The following DMD variants were observed in gnomAD, a reference collection of about 807,000 sequenced individuals.
DMD encodes mutant dystrophin.
In DMD, 63 loss-of-function variants were observed where a neutral mutation model predicts 330.1. The observed-to-expected ratio is 0.19, with a 90% CI of 0.16 to 0.24. DMD has a LOEUF of 0.24. DMD is among the 10% of genes least tolerant of loss of function. The pLI, the probability that DMD is intolerant of heterozygous loss-of-function variation, is 1.00. For missense variants in DMD, 3,344 were observed against 2,684.1 expected (o/e 1.25, Z -5.43); for synonymous variants, 1,223 against 959.8 (o/e 1.27, Z -5.07).
intron 47 of DMD, among the ~76,000 whole-genome samples, chrX:31,900,054 GA>G (rs2094401482): frequency 9.0e-6 from 1 of 111,725 alleles, no homozygotes; most frequent in Non-Finnish European, 1.9e-5. Flanking sequence ...GAGCTGGAAG[GA>G]CTCGGTGTAA....
At chrX:31,467,723 T>G (rs1603154611) in intron 59 of DMD, among the ~76,000 whole-genome samples, 1 of 111,998 alleles carries the variant, frequency 8.9e-6, no homozygotes, top group Non-Finnish European at 1.9e-5. Flanking sequence ...TTGTTTAGAA[T>G]AGTTTCAGAA....
intron 55 of DMD, among the ~76,000 whole-genome samples, chrX:31,586,529 T>C (rs963615895): frequency 2.7e-5 from 3 of 112,788 alleles, no homozygotes; most frequent in Non-Finnish European, 5.6e-5. Context: ...GTTTTCAATG[T>C]GAGAAAAATG....
At chrX:31,894,181 C>A (rs1253293206) in intron 47 of DMD, among the ~76,000 whole-genome samples, 1 of 112,077 alleles carries the variant, frequency 8.9e-6, no homozygotes, top group Non-Finnish European at 1.9e-5. Context: ...TAGAATAGAA[C>A]CTAACAAAGC....
intron 4 of DMD, among the ~76,000 whole-genome samples, chrX:32,828,667 A>C (rs772589872): frequency 9.1e-6 from 1 of 110,209 alleles, no homozygotes; most frequent in South Asian, 3.8e-4. Context: ...ATACATACAC[A>C]CACATATATA....
intron 50 of DMD, among the ~76,000 whole-genome samples, chrX:31,779,329 T>A (rs1390826293): frequency 9.0e-6 from 1 of 111,565 alleles, no homozygotes; most frequent in Non-Finnish European, 1.9e-5. Context: ...CCGTGTACCC[T>A]ATTTAATCTT....
chrX:33,087,610 G>A (rs2095027209), intron 1 of DMD, among the ~76,000 whole-genome samples: 1 of 111,566 alleles, frequency 9.0e-6, no homozygotes, highest in Admixed American at 9.6e-5. Flanking sequence ...AGAAACTGTG[G>A]GGGTTTGAAT....
intron 42 of DMD, among the ~76,000 whole-genome samples, chrX:32,302,495 G>A (rs758356239): frequency 2.3e-4 from 26 of 111,369 alleles, no homozygotes; most frequent in African/African-American, 7.8e-4. Context: ...GGCTTAGCTT[G>A]TATGTATTCT....
chrX:31,247,236 G>T (rs1030452823), intron 63 of DMD, among the ~76,000 whole-genome samples: 1 of 111,613 alleles, frequency 9.0e-6, no homozygotes, highest in African/African-American at 3.3e-5. Flanking sequence ...CTTATTAGTT[G>T]AGAAATATTT....
intron 1 of DMD, among the ~76,000 whole-genome samples, chrX:33,310,325 A>G (rs2148947173): frequency 9.0e-6 from 1 of 111,280 alleles, no homozygotes; most frequent in African/African-American, 3.2e-5. Flanking sequence ...CTTATTATAA[A>G]AGACTAAATA....
chrX:32,590,149 G>C (rs2054735509), intron 13 of DMD, among the ~76,000 whole-genome samples: 1 of 112,041 alleles, frequency 8.9e-6, no homozygotes, highest in South Asian at 3.7e-4. Flanking sequence ...CTGATATAAA[G>C]TTGGTTTACA....
At chrX:32,055,797 C>G (rs1386984200) in intron 44 of DMD, among the ~76,000 whole-genome samples, 3 of 111,546 alleles carry the variant, frequency 2.7e-5, no homozygotes, top group African/African-American at 9.7e-5. Context: ...AACTTCTTTG[C>G]CAGAATCCAG....
chrX:32,775,172 A>G (rs776492186), intron 7 of DMD, among the ~76,000 whole-genome samples: 8 of 112,739 alleles, frequency 7.1e-5, no homozygotes, highest in African/African-American at 2.6e-4. Context: ...ATGACCTTGG[A>G]CAGCTCCACG....
In DMD at chrX:32,275,655, TATTC is replaced by T. The variant is rs202174553; in HGVS notation, c.6290+11870_6290+11873del. Among the ~76,000 whole-genome samples, 86 of 112,276 alleles carry T rather than the reference TATTC, an allele frequency of 7.7e-4. No individual in the cohort carries two copies. In the East Asian group the frequency reaches 0.015, roughly 20 times the overall value. On this transcript the variant is annotated intron_variant, in intron 43 of 78. Coordinates refer to ENST00000357033, the MANE Select transcript of DMD (RefSeq NM_004006.3). Reference sequence around the variant, plus strand: ...GCTTGCTATATCTAAGGGAACTACTTATTCATTATTTTCTTAAAAATGAATTCTA... The same window carrying T: ...GCTTGCTATATCTAAGGGAACTACTTATTATTTTCTTAAAAATGAATTCTA...
intron 2 of DMD, among the ~76,000 whole-genome samples, chrX:32,991,228 T>G (rs1295042903): frequency 1.0e-5 from 1 of 96,708 alleles, no homozygotes; most frequent in Non-Finnish European, 2.2e-5. Flanking sequence ...AAATTCCACG[T>G]TTTTATGTAG....
At chrX:31,219,922 G>A (rs187556712) in intron 64 of DMD, among the ~76,000 whole-genome samples, 3 of 110,352 alleles carry the variant, frequency 2.7e-5, no homozygotes, top group African/African-American at 6.6e-5. Context: ...ATATGACAGC[G>A]AGCCCATGAG....
At chrX:32,888,276 G>A (rs1350048587) in intron 2 of DMD, among the ~76,000 whole-genome samples, 2 of 110,184 alleles carry the variant, frequency 1.8e-5, no homozygotes, top group Non-Finnish European at 3.8e-5. Context: ...TGTGCATTAG[G>A]TATTTGTCCT....
chrX:33,285,213 T>C (rs1422283170), intron 1 of DMD, among the ~76,000 whole-genome samples: 2 of 111,935 alleles, frequency 1.8e-5, no homozygotes, highest in African/African-American at 6.5e-5. Flanking sequence ...GAAAACCATA[T>C]ACAAAGCATA....
At chrX:32,824,339 A>C (rs990955793) in intron 4 of DMD, among the ~76,000 whole-genome samples, 4 of 112,263 alleles carry the variant, frequency 3.6e-5, no homozygotes, top group Non-Finnish European at 7.5e-5. Flanking sequence ...TAATAGCCCC[A>C]AACTGGGAAC....
chrX:31,563,543 G>T (rs186132898), intron 55 of DMD, among the ~76,000 whole-genome samples: 78 of 111,995 alleles, frequency 7.0e-4, no homozygotes, highest in Non-Finnish European at 1.2e-3. Flanking sequence ...ATGCATTCCT[G>T]AGATACTTGC....
Sources: allele counts gnomAD v4.1 joint callset (sites outside exome capture counted in the v4.1 genomes callset), GRCh38; gene constraint gnomAD v4.1.1; transcripts MANE v1.5; gene names NCBI Gene and HGNC (gene_info 2026-07-23, HGNC 2026-07-21).